TSNARE1: variants seen among roughly 807,000 people sequenced by gnomAD.
TSNARE1 encodes the protein t-SNARE domain-containing protein 1.
Under a neutral mutation model 62.0 loss-of-function variants are expected in TSNARE1, and 49 were observed. That is an observed-to-expected ratio of 0.79 (90% CI 0.63 to 1.00). The LOEUF (loss-of-function observed/expected upper bound fraction) is 1.00. Among genes scored for constraint, TSNARE1 ranks in the 50% least tolerant of loss-of-function variants. TSNARE1 has a pLI of 0.00. For synonymous variants in TSNARE1, 328 were observed against 294.4 expected (o/e 1.11, Z -1.17); for missense variants, 755 against 700.1 (o/e 1.08, Z -0.88).
chr8:142,291,030 T>C lies in TSNARE1; in HGVS notation c.1291-6545A>G, dbSNP rs937914633. Among the ~76,000 whole-genome samples, 1 of 152,062 alleles carries C rather than the reference T, an allele frequency of 6.6e-6. No individual in the cohort carries two copies. Among genetic ancestry groups the C allele is most frequent in the African/African-American group, 2.4e-5 (1 of 41,410 alleles). ...AGCCTGCTGCACGCTGGCAGTGGACTGAAGGGCACGCGCCTGTTCCCTCCA... is the reference window on the plus strand; with the variant it reads ...AGCCTGCTGCACGCTGGCAGTGGACCGAAGGGCACGCGCCTGTTCCCTCCA... On this transcript the variant is annotated intron_variant, in intron 10 of 13. Transcript: ENST00000524325. The surrounding 1 kb of genome is among the most constrained non-coding windows in gnomAD (Gnocchi z 4.8).
intron 1 of TSNARE1, among the ~76,000 whole-genome samples, chr8:142,369,840 G>A (rs2131010952): frequency 6.6e-6 from 1 of 152,306 alleles, no homozygotes; most frequent in Non-Finnish European, 1.5e-5. Context: ...AAACGTCCCA[G>A]CAAATGTTTA....
chr8:142,282,592 C>A (rs112498281), intron 11 of TSNARE1, among the ~76,000 whole-genome samples: 2 of 149,298 alleles, frequency 1.3e-5, no homozygotes, highest in African/African-American at 5.0e-5. Flanking sequence ...GGGCCAGTGT[C>A]TATCAATGAG....
At chr8:142,277,698 A>G (rs1041692417) in intron 11 of TSNARE1, 2 of 985,432 alleles carry the variant, frequency 2.0e-6, no homozygotes, top group Non-Finnish European at 2.4e-6. Flanking sequence ...CACAGGCACC[A>G]AAGACTCCCG....
chr8:142,343,912 C>T, intron 4 of TSNARE1, 54 bp downstream of exon 4: 2 of 1,440,762 alleles, frequency 1.4e-6, no homozygotes, highest in Non-Finnish European at 1.8e-6. Flanking sequence ...TGGGCCCCCC[C>T]CTCCTGCTGG....
intron 9 of TSNARE1, among the ~76,000 whole-genome samples, chr8:142,301,319 C>A (rs559780191): frequency 1.7e-5 from 2 of 114,546 alleles, no homozygotes; most frequent in African/African-American, 7.0e-5. Context: ...AGCGGGCCTT[C>A]CTTCCCCTCC....
intron 13 of TSNARE1, among the ~76,000 whole-genome samples, chr8:142,220,745 G>A (rs536574587): frequency 9.2e-5 from 14 of 152,274 alleles, no homozygotes; most frequent in East Asian, 3.9e-4. Flanking sequence ...CTCGCACAGC[G>A]CCCCAGCCGG....
At chr8:142,363,198 A>C (rs978617154) in intron 1 of TSNARE1, among the ~76,000 whole-genome samples, 8 of 152,210 alleles carry the variant, frequency 5.3e-5, no homozygotes, top group Non-Finnish European at 1.0e-4. Context: ...AGCCATCCCA[A>C]GACCATGTGG....
Position 142,308,330 on chromosome 8 carries a change from G to A in TSNARE1, c.1131+6054C>T, listed in dbSNP as rs373814067. ...CATGGTGCCTTCTGGATGTGCTACT[G>A]CCTTATCTTTCGCACGTGGGTCTGT... On this transcript the variant is annotated intron_variant, in intron 9 of 13. Coordinates refer to ENST00000524325, the MANE Select transcript of TSNARE1 (RefSeq NM_145003.5). Among the ~76,000 whole-genome samples, 4 of 152,298 alleles carry A rather than the reference G, an allele frequency of 2.6e-5. No homozygotes were observed. In the East Asian group the frequency reaches 7.7e-4, roughly 29 times the overall value.
chr8:142,340,434 G>C (rs1832422412), intron 4 of TSNARE1, among the ~76,000 whole-genome samples: 1 of 152,224 alleles, frequency 6.6e-6, no homozygotes, highest in South Asian at 2.1e-4. Flanking sequence ...CCAGGGCTGG[G>C]GGAGCTGAGG....
At chr8:142,284,575 G>T in intron 10 of TSNARE1, 90 bp from the exon 11 acceptor site, 2 of 1,038,570 alleles carry the variant, frequency 1.9e-6, no homozygotes, top group Non-Finnish European at 3.0e-6. Flanking sequence ...CCTGGGGCGG[G>T]CCCAGGTGGC....
rs58755110 is a variant in TSNARE1 at position 142,311,290 on chromosome 8, G to GTTTTTTTTTT, written c.1131+3084_1131+3093dup. Among the ~76,000 whole-genome samples the GTTTTTTTTTT allele has an allele frequency of 1.2e-3, 67 of 57,344 alleles. 2 individuals carry two copies. Among genetic ancestry groups the GTTTTTTTTTT allele is most frequent in the Admixed American group, 0.01 (43 of 4,222 alleles). 37.6% of individuals were successfully genotyped at this position (57,344 alleles called of 152,430 possible). ...CGATTCTCCTGCCTCAGCCTCTCTA[G>GTTTTTTTTTT]TTTTTTTTTTTTTTTTTTTTTTTTG... is the stretch of plus-strand genomic sequence containing the variant. On this transcript the variant is annotated intron_variant, in intron 9 of 13. Coordinates refer to ENST00000524325, the MANE Select transcript of TSNARE1 (RefSeq NM_145003.5).
intron 1 of TSNARE1, among the ~76,000 whole-genome samples, chr8:142,384,422 C>T (rs1836973703): frequency 6.6e-6 from 1 of 152,152 alleles, no homozygotes; most frequent in Non-Finnish European, 1.5e-5. Flanking sequence ...TTCCTGATTT[C>T]AAAACACGCT....
At chr8:142,371,112 A>G (rs926305241) in intron 1 of TSNARE1, among the ~76,000 whole-genome samples, 1 of 152,260 alleles carries the variant, frequency 6.6e-6, no homozygotes, top group East Asian at 1.9e-4. Context: ...CTTTATGCCC[A>G]TAAATTCAAC....
chr8:142,313,224 G>C (rs769555242), intron 9 of TSNARE1, among the ~76,000 whole-genome samples: 2 of 152,104 alleles, frequency 1.3e-5, no homozygotes, highest in Non-Finnish European at 2.9e-5. Flanking sequence ...CTGCGTGTCT[G>C]TGTTTATCTG....
chr8:142,371,259 T>C (rs1465516799), intron 1 of TSNARE1, among the ~76,000 whole-genome samples: 3 of 152,180 alleles, frequency 2.0e-5, no homozygotes, highest in Admixed American at 6.5e-5. Flanking sequence ...GAGCAAATTC[T>C]ATCAAACATT....
At chr8:142,352,688 C>T (rs1343200842) in intron 2 of TSNARE1, among the ~76,000 whole-genome samples, 1 of 152,106 alleles carries the variant, frequency 6.6e-6, no homozygotes, top group African/African-American at 2.4e-5. Flanking sequence ...CAACGCAAAT[C>T]GTCTGAGCCC....
intron 1 of TSNARE1, among the ~76,000 whole-genome samples, chr8:142,380,444 G>T (rs1209744436): frequency 6.6e-6 from 1 of 152,176 alleles, no homozygotes; most frequent in African/African-American, 2.4e-5. Context: ...CCTGCGGGCT[G>T]AACTGCATGG....
At chr8:142,313,812 CG>C (rs1371644149) in intron 9 of TSNARE1, among the ~76,000 whole-genome samples, 2 of 152,208 alleles carry the variant, frequency 1.3e-5, no homozygotes, top group Non-Finnish European at 2.9e-5. Context: ...CTCACTCTGT[CG>C]CCCAGGCTGG....
intron 12 of TSNARE1, among the ~76,000 whole-genome samples, chr8:142,236,306 G>A (rs934251341): frequency 2.0e-5 from 3 of 151,898 alleles, no homozygotes; most frequent in Non-Finnish European, 4.4e-5. Flanking sequence ...TTCAGAGGCG[G>A]GCAGACAGAG....
Sources: gnomAD v4.1 joint callset for allele counts (sites outside exome capture counted in the v4.1 genomes callset) on GRCh38, gnomAD v4.1.1 for gene constraint, Gnocchi (gnomAD v3.1) non-coding constraint, MANE v1.5 for transcripts, NCBI Gene and HGNC (gene_info 2026-07-23, HGNC 2026-07-21) for gene names.